The following LRIT3 variants were observed in gnomAD, a reference collection of about 807,000 sequenced individuals.
LRIT3 encodes leucine rich repeat, Ig-like and transmembrane domains 3.
A neutral mutation model predicts 22.6 loss-of-function variants in LRIT3; 14 were observed. The ratio of observed to expected loss-of-function variants is 0.62; its 90% confidence interval spans 0.41 to 0.97. LRIT3 has a LOEUF of 0.97. LRIT3 is among the 50% of genes least tolerant of loss of function. The pLI, the probability that LRIT3 is intolerant of heterozygous loss-of-function variation, is 0.00. For synonymous variants in LRIT3, 306 were observed against 304.5 expected (o/e 1.01, Z -0.05); for missense variants, 783 against 803.0 (o/e 0.98, Z 0.30).
intron 2 of LRIT3, chr4:109,865,348 T>A: frequency 6.5e-7 from 1 of 1,548,018 alleles, no homozygotes; most frequent in Admixed American, 1.7e-5. Context: ...ACATATCAGG[T>A]CAACTAATAC....
At chr4:109,850,405 TC>T (rs1386762824) in intron 1 of LRIT3, among the ~76,000 whole-genome samples, 55 of 4,192 alleles carry the variant, frequency 0.013, 2 homozygotes, top group South Asian at 0.042. Flanking sequence ...CTTCCTTCCT[TC>T]CTTCCTTCCT....
intron 2 of LRIT3, among the ~76,000 whole-genome samples, chr4:109,862,461 C>A (rs370683773): frequency 3.6e-4 from 55 of 152,116 alleles, no homozygotes; most frequent in African/African-American, 1.3e-3. Flanking sequence ...AAAAATTGTA[C>A]CTTTGACCTT....
intron 2 of LRIT3, 56 bp from the exon 3 acceptor site, chr4:109,867,585 T>C: frequency 1.5e-6 from 2 of 1,303,848 alleles, no homozygotes; most frequent in Non-Finnish European, 2.0e-6. Context: ...AGAGGCAGGA[T>C]GTAAACTGAA....
At chr4:109,866,440 T>A (rs1734682683) in intron 2 of LRIT3, among the ~76,000 whole-genome samples, 1 of 152,206 alleles carries the variant, frequency 6.6e-6, no homozygotes, top group African/African-American at 2.4e-5. Context: ...GATTCGATGT[T>A]TGCTCTGAAG....
intron 2 of LRIT3, among the ~76,000 whole-genome samples, chr4:109,855,284 C>G (rs1734373762): frequency 6.6e-6 from 1 of 151,998 alleles, no homozygotes; most frequent in African/African-American, 2.4e-5. Flanking sequence ...TGTATGTGTC[C>G]AGGAATTTAT....
Position 109,867,716 on chromosome 4 carries a change from C to T in LRIT3, c.665C>T (p.Ala222Val), listed in dbSNP as rs1734717872. ...MIELSKVVDP[A>V]IVLLDPLMTC... ...GAGTTGTCAAAGGTCGTTGACCCTGCTATAGTGCTTCTGGATCCACTGATG... is the reference window on the plus strand; with the variant it reads ...GAGTTGTCAAAGGTCGTTGACCCTGTTATAGTGCTTCTGGATCCACTGATG... The change falls in exon 3 of 4, where the codon GCT becomes GTT. Residue 222 changes from alanine to valine, a missense_variant. Coordinates refer to ENST00000594814, the MANE Select transcript of LRIT3 (RefSeq NM_198506.5). 1 of 1,614,046 alleles carries T rather than the reference C, an allele frequency of 6.2e-7. No individual in the cohort carries two copies. Among genetic ancestry groups the T allele is most frequent in the Non-Finnish European group, 8.5e-7 (1 of 1,180,004 alleles).
chr4:109,853,377 G>T (rs969696025), intron 2 of LRIT3, among the ~76,000 whole-genome samples: 2 of 152,130 alleles, frequency 1.3e-5, no homozygotes, highest in African/African-American at 4.8e-5. Flanking sequence ...TTGCATAAAT[G>T]TCTTCTTTTG....
intron 2 of LRIT3, among the ~76,000 whole-genome samples, chr4:109,857,811 T>C (rs1197737586): frequency 6.6e-6 from 1 of 152,200 alleles, no homozygotes; most frequent in Non-Finnish European, 1.5e-5. Context: ...AATCCTTCCA[T>C]ATTAATTTGT....
intron 2 of LRIT3, among the ~76,000 whole-genome samples, chr4:109,858,448 C>T (rs1013098187): frequency 5.9e-5 from 9 of 152,170 alleles, no homozygotes; most frequent in South Asian, 4.2e-4. Flanking sequence ...TTCTCTGTCT[C>T]GTTGTTGCAT....
intron 1 of LRIT3, 129 bp from the exon 2 acceptor site, chr4:109,851,375 A>G: frequency 7.6e-7 from 1 of 1,318,816 alleles, no homozygotes; most frequent in Non-Finnish European, 1.0e-6. Flanking sequence ...TCGGCCTCCC[A>G]AAGTGCTGGG....
chr4:109,856,929 T>C (rs1212993747), intron 2 of LRIT3, among the ~76,000 whole-genome samples: 1 of 152,192 alleles, frequency 6.6e-6, no homozygotes, highest in East Asian at 1.9e-4. Context: ...CTGCAATTAA[T>C]GTAAAAATAA....
chr4:109,855,929 G>A (rs1734390243), intron 2 of LRIT3, among the ~76,000 whole-genome samples: 1 of 152,054 alleles, frequency 6.6e-6, no homozygotes, highest in South Asian at 2.1e-4. Context: ...TCACCCTAAA[G>A]AGGCCTAGAA....
rs758666361 is a variant in LRIT3 at position 109,869,609 on chromosome 4, T to C, written c.896-36T>C. 20 of 1,512,900 alleles carry C rather than the reference T, an allele frequency of 1.3e-5. No individual in the cohort carries two copies. In the African/African-American group the frequency reaches 1.7e-4, roughly 13 times the overall value. The allele number at this position is 1,512,900 out of a possible 1,614,324, so 93.7% of individuals were successfully genotyped here. A position where few individuals can be genotyped will look rare whatever the true frequency, so the allele number is the denominator to read the frequency against. On this transcript the variant is annotated intron_variant, in intron 3 of 3. Coordinates refer to ENST00000594814, the MANE Select transcript of LRIT3 (RefSeq NM_198506.5). ...TGGCATGGTGGCTTGAATTTTCTTT[T>C]TGTTCCTCACAGACTATACATTTGT...
intron 1 of LRIT3, among the ~76,000 whole-genome samples, chr4:109,850,258 A>T (rs954675216): frequency 2.0e-5 from 3 of 152,116 alleles, no homozygotes; most frequent in African/African-American, 7.2e-5. Flanking sequence ...CATAATTCAG[A>T]TGAGTATCTC....
At chr4:109,862,251 G>A (rs1196299554) in intron 2 of LRIT3, among the ~76,000 whole-genome samples, 1 of 152,172 alleles carries the variant, frequency 6.6e-6, no homozygotes, top group African/African-American at 2.4e-5. Flanking sequence ...AAAGGATAAA[G>A]TTCACTTGTC....
chr4:109,871,639 G>C lies in LRIT3; in HGVS notation c.*850G>C, dbSNP rs989173141. On this transcript the variant is annotated 3_prime_UTR_variant, in exon 4 of 4. Coordinates refer to ENST00000594814, the MANE Select transcript of LRIT3 (RefSeq NM_198506.5). ...GTCAGAAGATATACAAGTAGCCAAA[G>C]CATCACGAGCCAAGCTGTTTGTCTT... is the stretch of plus-strand genomic sequence containing the variant. 1 of 151,870 alleles carries C rather than the reference G, an allele frequency of 6.6e-6. No individual in the cohort carries two copies. Among genetic ancestry groups the C allele is most frequent in the Non-Finnish European group, 1.5e-5 (1 of 68,002 alleles). 9.4% of individuals were successfully genotyped at this position (151,870 alleles called of 1,614,324 possible).
intron 2 of LRIT3, chr4:109,865,276 G>C (rs1020488208): frequency 2.5e-6 from 4 of 1,592,032 alleles, no homozygotes; most frequent in Admixed American, 3.4e-5. Context: ...AGTAAAGTTG[G>C]TGAGAATGTC....
intron 2 of LRIT3, chr4:109,865,340 A>G (rs1003543169): frequency 9.6e-6 from 15 of 1,566,446 alleles, no homozygotes; most frequent in Non-Finnish European, 1.3e-5. Flanking sequence ...TGGCCTTCAC[A>G]TATCAGGTCA....
chr4:109,850,422 C>CTTTT lies in LRIT3; in HGVS notation c.117-1082_117-1081insTTTT, dbSNP rs1553922077. 3.6e-5 allele frequency among the ~76,000 whole-genome samples: 2 copies of CTTTT among 55,088 alleles called. 1 individual carries two copies. 36.1% of individuals were successfully genotyped at this position (55,088 alleles called of 152,430 possible). Reference sequence around the variant, plus strand: ...TCCTTCCTTCCTTCCTTCCTTCCTTCCTTTCTTTCTTTCTTTCTTTCTTTC... The same window carrying CTTTT: ...TCCTTCCTTCCTTCCTTCCTTCCTTCTTTTCTTTCTTTCTTTCTTTCTTTCTTTC... On this transcript the variant is annotated intron_variant, in intron 1 of 3. Transcript: ENST00000594814.
Sources: gnomAD v4.1 joint callset for allele counts (sites outside exome capture counted in the v4.1 genomes callset) on GRCh38, gnomAD v4.1.1 for gene constraint, MANE v1.5 for transcripts, NCBI Gene and HGNC (gene_info 2026-07-23, HGNC 2026-07-21) for gene names.